MBTD1: variants seen among roughly 807,000 people sequenced by gnomAD.
MBTD1 encodes MBT domain-containing protein 1.
In MBTD1, 24 loss-of-function variants were observed where a neutral mutation model predicts 87.8. That is an observed-to-expected ratio of 0.27 (90% CI 0.20 to 0.38). MBTD1 has a LOEUF of 0.38. Among genes scored for constraint, MBTD1 ranks in the 10% least tolerant of loss-of-function variants. The pLI is 1.00. For missense variants in MBTD1, 436 were observed against 760.2 expected (o/e 0.57, Z 5.02); for synonymous variants, 237 against 248.6 (o/e 0.95, Z 0.44).
chr17:51,238,972 C>T (rs1336994305), intron 2 of MBTD1, among the ~76,000 whole-genome samples: 3 of 151,868 alleles, frequency 2.0e-5, no homozygotes, highest in Non-Finnish European at 2.9e-5. Flanking sequence ...TGGTAATGTG[C>T]GTCTGTAGTC....
chr17:51,252,425 C>T (rs1191593647), intron 2 of MBTD1, among the ~76,000 whole-genome samples: 1 of 152,070 alleles, frequency 6.6e-6, no homozygotes, highest in Non-Finnish European at 1.5e-5. Flanking sequence ...GAACATTTTG[C>T]TCTTCAAAAT....
rs762011707 is a variant in MBTD1 at position 51,217,409 on chromosome 17, G to T, written c.411C>A (p.Ser137=). ...AGTTACCCCAGCTGAAACCTTCCAT[G>T]GAGACTGCTAAAATGAAACAAATTT... ...QNQAKTKAAV[S]MEGFSWGNYI... The change falls in exon 6 of 17, where the codon TCC becomes TCA. Residue 137 remains serine, a synonymous_variant. Transcript: ENST00000586178. 2.0e-6 allele frequency: 3 copies of T among 1,501,630 alleles called. No homozygotes were observed. The South Asian group carries it at 3.9e-5, about 19-fold the overall frequency. The allele number at this position is 1,501,630 out of a possible 1,614,324, so 93.0% of individuals were successfully genotyped here.
intron 2 of MBTD1, among the ~76,000 whole-genome samples, chr17:51,234,949 GCCT>G (rs780199779): frequency 3.1e-4 from 47 of 152,042 alleles, no homozygotes; most frequent in Non-Finnish European, 6.2e-4. Flanking sequence ...GCCCACCTTG[GCCT>G]CCCAAAGTGC....
intron 16 of MBTD1, among the ~76,000 whole-genome samples, chr17:51,187,401 C>CAA (rs201877980): frequency 0.011 from 1,234 of 113,658 alleles, 23 homozygotes; most frequent in African/African-American, 0.039. Flanking sequence ...GACCTTGTCT[C>CAA]AAAAAAAAAA....
chr17:51,207,127 T>C lies in MBTD1; in HGVS notation c.487-122A>G, dbSNP rs1598334005. On this transcript the variant is annotated intron_variant, in intron 6 of 16. Transcript: ENST00000586178. ...AACTAAAAATGTCATTTTAATTCCG[T>C]TTGTTTCCTAGAATTCTATCTGGAA... 17 of 541,412 alleles carry C rather than the reference T, an allele frequency of 3.1e-5. No individual in the cohort carries two copies. The East Asian group carries it at 5.0e-4, about 16-fold the overall frequency. The allele number at this position is 541,412 out of a possible 1,614,324, so 33.5% of individuals were successfully genotyped here.
Position 51,179,492 on chromosome 17 carries a change from A to ATATATATATATTTT in MBTD1, c.*1083_*1084insAAAATATATATATA, listed in dbSNP as rs2050210544. ...TACAATTAAAGACAATTTTATATAT[A>ATATATATATATTTT]TATATATATATATATATATATATAT... On this transcript the variant is annotated 3_prime_UTR_variant, in exon 17 of 17. Transcript: ENST00000586178. 6 of 30,972 alleles carry ATATATATATATTTT rather than the reference A, an allele frequency of 1.9e-4. No individual in the cohort carries two copies. Among genetic ancestry groups the ATATATATATATTTT allele is most frequent in the Admixed American group, 3.8e-4 (1 of 2,620 alleles). 1.9% of individuals were successfully genotyped at this position (30,972 alleles called of 1,614,324 possible). A position where few individuals can be genotyped will look rare whatever the true frequency, so the allele number is the denominator to read the frequency against.
intron 2 of MBTD1, chr17:51,250,529 A>G (rs184943449): frequency 2.0e-4 from 30 of 152,340 alleles, no homozygotes; most frequent in African/African-American, 7.2e-4. Context: ...CTTGGCTAGC[A>G]GTCACTTTCC....
At chr17:51,205,950 A>G (rs755520322) in intron 7 of MBTD1, among the ~76,000 whole-genome samples, 1 of 152,198 alleles carries the variant, frequency 6.6e-6, no homozygotes, top group Non-Finnish European at 1.5e-5. Flanking sequence ...GTAATTGAAG[A>G]TAACTTTTCT....
intron 6 of MBTD1, 76 bp from the exon 7 acceptor site, chr17:51,207,081 C>G: frequency 1.4e-6 from 1 of 708,628 alleles, no homozygotes; most frequent in Non-Finnish European, 2.4e-6. Context: ...TTAAGCAGTA[C>G]CATCAATAAT....
chr17:51,233,407 T>C (rs1391635062), intron 2 of MBTD1, among the ~76,000 whole-genome samples: 1 of 152,140 alleles, frequency 6.6e-6, no homozygotes, highest in Non-Finnish European at 1.5e-5. Context: ...AAATTACGAA[T>C]TCTTCAGAGA....
intron 7 of MBTD1, among the ~76,000 whole-genome samples, chr17:51,206,677 T>C (rs2051859159): frequency 6.6e-6 from 1 of 152,200 alleles, no homozygotes; most frequent in South Asian, 2.1e-4. Context: ...GCTATAATGA[T>C]AGAGACGGAT....
At chr17:51,226,225 T>C (rs116674952) in intron 2 of MBTD1, among the ~76,000 whole-genome samples, 2,762 of 147,950 alleles carry the variant, frequency 0.019, 103 homozygotes, top group African/African-American at 0.065. Context: ...ATAAAAATAA[T>C]TGTGGGCCAG....
At chr17:51,230,346 G>C (rs1208944832) in intron 2 of MBTD1, among the ~76,000 whole-genome samples, 1 of 152,198 alleles carries the variant, frequency 6.6e-6, no homozygotes, top group Non-Finnish European at 1.5e-5. Flanking sequence ...TGTTAGCTGT[G>C]AACTTGTGCA....
intron 6 of MBTD1, among the ~76,000 whole-genome samples, chr17:51,209,115 G>A (rs531845720): frequency 6.6e-6 from 1 of 152,272 alleles, no homozygotes; most frequent in East Asian, 1.9e-4. Flanking sequence ...GAAATAACAC[G>A]GTAATTTCAT....
At chr17:51,238,029 T>C (rs1195743480) in intron 2 of MBTD1, among the ~76,000 whole-genome samples, 2 of 152,166 alleles carry the variant, frequency 1.3e-5, no homozygotes, top group Admixed American at 6.5e-5. Context: ...TGACTCTTTT[T>C]ACAAATGCAA....
intron 6 of MBTD1, among the ~76,000 whole-genome samples, chr17:51,208,069 T>G (rs906972373): frequency 1.3e-5 from 2 of 152,200 alleles, no homozygotes; most frequent in Non-Finnish European, 2.9e-5. Flanking sequence ...AATTTGAACA[T>G]TAGGCAAATG....
intron 2 of MBTD1, among the ~76,000 whole-genome samples, chr17:51,227,485 CAGG>C (rs941755376): frequency 5.3e-5 from 8 of 152,086 alleles, no homozygotes; most frequent in African/African-American, 1.9e-4. Flanking sequence ...AGCTTGACCT[CAGG>C]AGGTCGAGGC....
chr17:51,192,243 C>T lies in MBTD1; in HGVS notation c.1728G>A (p.Lys576=), dbSNP rs1320577412. The change falls in exon 16 of 17, where the codon AAG becomes AAA. Residue 576 remains lysine (K), a synonymous_variant. Transcript: ENST00000586178. ...RENQSASSKQ[K]KKAKSQQYKG... ...TGTATTGCTGGGACTTAGCCTTTTT[C>T]TTCTGTTTTGATGAAGCTGATTGGT... 8 of 1,551,120 alleles carry T rather than the reference C, an allele frequency of 5.2e-6. No homozygotes were observed. The highest frequency in any genetic ancestry group is 6.1e-6 in the Non-Finnish European group (7 of 1,146,808).
In MBTD1 at chr17:51,178,556, C is replaced by G. The variant is rs756372565; in HGVS notation, c.*2020G>C. 3 of 152,190 alleles carry G rather than the reference C, an allele frequency of 2.0e-5. No individual in the cohort carries two copies. Among genetic ancestry groups the G allele is most frequent in the Non-Finnish European group, 4.4e-5 (3 of 68,040 alleles). 9.4% of individuals were successfully genotyped at this position (152,190 alleles called of 1,614,324 possible). A position where few individuals can be genotyped will look rare whatever the true frequency, so the allele number is the denominator to read the frequency against. On this transcript the variant is annotated 3_prime_UTR_variant, in exon 17 of 17. Coordinates refer to ENST00000586178, the MANE Select transcript of MBTD1 (RefSeq NM_017643.3). The stretch of plus-strand genomic sequence containing the variant: ...ACACTACACAACAGGCTTCTTGTGC[C>G]TGTGCTGTGGAATTAGTCCTGGGTT...
Sources: allele counts gnomAD v4.1 joint callset (sites outside exome capture counted in the v4.1 genomes callset), GRCh38; gene constraint gnomAD v4.1.1; transcripts MANE v1.5; gene names NCBI Gene and HGNC (gene_info 2026-07-23, HGNC 2026-07-21).